ACVR1: variants seen among roughly 807,000 people sequenced by gnomAD.
ACVR1 encodes the protein activin receptor type-1.
A neutral mutation model predicts 57.1 loss-of-function variants in ACVR1; 38 were observed. The observed-to-expected ratio is 0.67, with a 90% CI of 0.51 to 0.87. The LOEUF (loss-of-function observed/expected upper bound fraction) is 0.87, where lower values mean the gene tolerates loss of function less well. Ranked by LOEUF, ACVR1 falls within the 40% of genes least tolerant of loss-of-function variation. ACVR1 has a pLI of 0.00. For synonymous variants in ACVR1, 212 were observed against 228.1 expected (o/e 0.93, Z 0.63); for missense variants, 463 against 638.2 (o/e 0.73, Z 2.96).
rs140650573 is a variant in ACVR1 at position 157,768,121 on chromosome 2, T to C, written c.791-1925A>G. On this transcript the variant is annotated intron_variant, in intron 7 of 10. Coordinates refer to ENST00000434821, the MANE Select transcript of ACVR1 (RefSeq NM_001111067.4). ...TGGGACATATGCAAAGCAAACTGAA[T>C]AATATTTTAGCACCTTCACCCTCTA... Among the ~76,000 whole-genome samples the C allele has an allele frequency of 1.6e-4, 24 of 152,242 alleles. No homozygotes were observed. The East Asian group carries it at 4.4e-3, about 28-fold the overall frequency.
chr2:157,786,977 T>G (rs1686735093), intron 3 of ACVR1, among the ~76,000 whole-genome samples: 2 of 152,074 alleles, frequency 1.3e-5, no homozygotes, highest in Admixed American at 1.3e-4. Context: ...CTTCTTGCTC[T>G]GCTGAAGGTG....
At chr2:157,822,256 C>T (rs964410644) in intron 1 of ACVR1, among the ~76,000 whole-genome samples, 10 of 152,294 alleles carry the variant, frequency 6.6e-5, no homozygotes, top group Admixed American at 2.0e-4. Context: ...ATGTGACCTC[C>T]GCAAATCATT....
chr2:157,817,673 A>T (rs58781398), intron 2 of ACVR1, among the ~76,000 whole-genome samples: 11,759 of 152,138 alleles, frequency 0.077, 792 homozygotes, highest in East Asian at 0.37. Flanking sequence ...TGTGAACCTA[A>T]AACTGCTCTA....
chr2:157,819,826 T>C (rs1010947803), intron 1 of ACVR1, among the ~76,000 whole-genome samples: 9 of 152,080 alleles, frequency 5.9e-5, no homozygotes, highest in African/African-American at 2.2e-4. Context: ...ACATCAACAT[T>C]TGCCAAAGGA....
In ACVR1 at chr2:157,764,927, A is replaced by T. The variant is rs558250768; in HGVS notation, c.1066+994T>A. Among the ~76,000 whole-genome samples the T allele has an allele frequency of 2.0e-5, 3 of 152,178 alleles. No homozygotes were observed. The South Asian group carries it at 6.2e-4, about 32-fold the overall frequency. Reference sequence around the variant, plus strand: ...TTCAAAGGAAATAAATTTTCCTAACATGTCAAATCCCTTATGTTTAAAAAC... The same window carrying T: ...TTCAAAGGAAATAAATTTTCCTAACTTGTCAAATCCCTTATGTTTAAAAAC... On this transcript the variant is annotated intron_variant, in intron 8 of 10. Transcript: ENST00000434821.
chr2:157,841,318 A>G (rs1360667798), intron 1 of ACVR1, among the ~76,000 whole-genome samples: 3 of 152,184 alleles, frequency 2.0e-5, no homozygotes, highest in Non-Finnish European at 4.4e-5. Flanking sequence ...CGACAATCAC[A>G]GGGATTTCAA....
At chr2:157,780,259 T>G in intron 4 of ACVR1, 78 bp downstream of exon 4, 2 of 1,599,998 alleles carry the variant, frequency 1.3e-6, no homozygotes, top group South Asian at 2.2e-5. Flanking sequence ...TCATAGCTAC[T>G]TAGATCTTTA....
In ACVR1 at chr2:157,737,266, C is replaced by A. The variant is rs1327470534; in HGVS notation, c.*265G>T. ...AGGATTTCTCTGTGTTCCTCCAGTC[C>A]CTACCTTTGCAACAGTGTCTGTCCA... On this transcript the variant is annotated 3_prime_UTR_variant, in exon 11 of 11. Transcript: ENST00000434821. 1.8e-6 allele frequency: 1 copy of A among 540,746 alleles called. No homozygotes were observed. The highest frequency in any genetic ancestry group is 1.9e-5 in the African/African-American group (1 of 52,760). The allele number at this position is 540,746 out of a possible 1,614,324, so 33.5% of individuals were successfully genotyped here.
At chr2:157,772,956 A>G (rs1175928010) in intron 6 of ACVR1, among the ~76,000 whole-genome samples, 4 of 152,126 alleles carry the variant, frequency 2.6e-5, no homozygotes, top group Non-Finnish European at 5.9e-5. Flanking sequence ...CGTTTCTACT[A>G]CTCAGACTGG....
chr2:157,862,422 T>TACACACACACACACAC (rs68077740), intron 1 of ACVR1, among the ~76,000 whole-genome samples: 13 of 143,746 alleles, frequency 9.0e-5, no homozygotes, highest in African/African-American at 3.1e-4. Context: ...CATATACACA[T>TACACACACACACACAC]ACACACACAC....
chr2:157,801,315 G>A (rs1016001680), intron 2 of ACVR1, among the ~76,000 whole-genome samples: 9 of 152,130 alleles, frequency 5.9e-5, no homozygotes, highest in African/African-American at 1.4e-4. Flanking sequence ...CTGAAGGTCC[G>A]TTCAAGTGGA....
At chr2:157,779,794 C>T (rs1686434034) in intron 4 of ACVR1, among the ~76,000 whole-genome samples, 1 of 152,148 alleles carries the variant, frequency 6.6e-6, no homozygotes, top group Non-Finnish European at 1.5e-5. Context: ...TCCACAAAAA[C>T]TACAGGGTTT....
At chr2:157,751,368 C>A (rs996775899) in intron 9 of ACVR1, among the ~76,000 whole-genome samples, 5 of 152,200 alleles carry the variant, frequency 3.3e-5, no homozygotes, top group African/African-American at 7.2e-5. Flanking sequence ...GAAGGGCTGC[C>A]GGAGGAACTG....
rs377521276 is a variant in ACVR1 at position 157,853,810 on chromosome 2, T to C, written c.-183+21986A>G. Among the ~76,000 whole-genome samples, 108 of 152,330 alleles carry C rather than the reference T, an allele frequency of 7.1e-4. No individual in the cohort carries two copies. In the South Asian group the frequency reaches 0.02, roughly 29 times the overall value. ...CCTGCATTCCCAGCTGGTACTATGC[T>C]CTTCTTATGCCTTCTATCTTTACAA... On this transcript the variant is annotated intron_variant, in intron 1 of 10. Coordinates refer to ENST00000434821, the MANE Select transcript of ACVR1 (RefSeq NM_001111067.4).
intron 1 of ACVR1, among the ~76,000 whole-genome samples, chr2:157,867,783 G>A (rs1453944666): frequency 6.6e-6 from 1 of 152,102 alleles, no homozygotes; most frequent in Non-Finnish European, 1.5e-5. Context: ...CTGGTGCACT[G>A]ATGGTGATGT....
chr2:157,846,725 A>G (rs1428038710), intron 1 of ACVR1, among the ~76,000 whole-genome samples: 2 of 152,260 alleles, frequency 1.3e-5, no homozygotes, highest in African/African-American at 4.8e-5. Flanking sequence ...AGGGATAAAT[A>G]CAAATGCAAA....
chr2:157,808,425 G>C (rs914846571), intron 2 of ACVR1, among the ~76,000 whole-genome samples: 2 of 152,174 alleles, frequency 1.3e-5, no homozygotes, highest in South Asian at 2.1e-4. Context: ...TATGTCCCCA[G>C]TTTAATATAG....
chr2:157,818,827 C>T (rs1688043282), intron 1 of ACVR1, among the ~76,000 whole-genome samples: 1 of 152,004 alleles, frequency 6.6e-6, no homozygotes. Context: ...GCCTGTAATC[C>T]CAGCACTTTG....
chr2:157,798,294 T>G (rs573307645), intron 3 of ACVR1, among the ~76,000 whole-genome samples: 7 of 151,764 alleles, frequency 4.6e-5, no homozygotes, highest in South Asian at 4.2e-4. Flanking sequence ...ACGGTTCTGG[T>G]TTTTTTTAAT....
Sources: allele counts gnomAD v4.1 joint callset (sites outside exome capture counted in the v4.1 genomes callset), GRCh38; gene constraint gnomAD v4.1.1; transcripts MANE v1.5; gene names NCBI Gene and HGNC (gene_info 2026-07-23, HGNC 2026-07-21).